Variants in SPTBN4 observed in about 807,000 individuals in gnomAD.
The protein encoded by SPTBN4 is spectrin beta chain, non-erythrocytic 4.
A neutral mutation model predicts 277.8 loss-of-function variants in SPTBN4; 96 were observed. The observed-to-expected ratio is 0.35, with a 90% confidence interval of 0.29 to 0.41. SPTBN4 has a LOEUF of 0.41. Among genes scored for constraint, SPTBN4 ranks in the 10% least tolerant of loss-of-function variants. The pLI is 1.00. For missense variants in SPTBN4, 3,006 were observed against 3,595.7 expected, an observed-to-expected ratio of 0.84 and a Z score of 4.19; for synonymous variants, 1,481 against 1,580.3, an observed-to-expected ratio of 0.94 and a Z score of 1.49.
At chr19:40,521,072 G>A (rs814539) in intron 16 of SPTBN4, among the ~76,000 whole-genome samples, 30,866 of 151,986 alleles carry the variant, frequency 0.2, 4,613 homozygotes, top group African/African-American at 0.42. Flanking sequence ...CTACAGGCGC[G>A]AGCCACCATG....
chr19:40,481,669 T>C (rs1273072599), intron 2 of SPTBN4, among the ~76,000 whole-genome samples: 1 of 152,114 alleles, frequency 6.6e-6, no homozygotes, highest in Admixed American at 6.6e-5. Context: ...AGAGACGGGG[T>C]TTCGCCATGT....
rs766001025 is a variant in SPTBN4, at chr19:40,568,108, C to G, written c.6782C>G (p.Ala2261Gly). 1 of 1,569,708 alleles carries G rather than the reference C, an allele frequency of 6.4e-7. No homozygotes were observed. Among genetic ancestry groups the G allele is most frequent in the Non-Finnish European group, 8.6e-7 (1 of 1,157,620 alleles). ...RQESVDQSEE[A>G]ARRRRPERQE... is the part of the protein sequence containing the mutation. ...GAGTCAGTCGATCAATCCGAGGAGG[C>G]TGCGCGGAGGCGGCGGCCGGAGCGG... Residue 2261 changes from alanine (A) to glycine (G), a missense_variant, in exon 31 of 36, where the codon GCT becomes GGT. Ala to Gly is a moderately conservative substitution (Grantham distance 60, BLOSUM62 0). Coordinates refer to ENST00000598249, the MANE Select transcript of SPTBN4 (RefSeq NM_020971.3).
rs151337566 is a variant in SPTBN4, at chr19:40,515,746, G to A, written c.2903+298G>A. On this transcript the variant is annotated intron_variant, in intron 15 of 35. Coordinates refer to ENST00000598249, the MANE Select transcript of SPTBN4 (RefSeq NM_020971.3). This position sits in a 1 kb window ranked among gnomAD's most constrained non-coding sequence, Gnocchi z 4.1. ...TTCTAAAGTATCCCAACATTCTTCCGGGCACAGTGGCTCATACTGTAATCC... is the reference window on the plus strand; with the variant it reads ...TTCTAAAGTATCCCAACATTCTTCCAGGCACAGTGGCTCATACTGTAATCC... Among the ~76,000 whole-genome samples, 1,537 of 151,624 alleles carry A rather than the reference G, an allele frequency of 0.01. 16 individuals are homozygous for A. Among genetic ancestry groups the A allele is most frequent in the African/African-American group, 0.029 (1,192 of 41,306 alleles).
intron 7 of SPTBN4, 106 bp downstream of exon 7, chr19:40,497,710 AG>A: frequency 1.1e-6 from 1 of 888,980 alleles, no homozygotes; most frequent in Non-Finnish European, 1.8e-6. Flanking sequence ...CCAAATCCTG[AG>A]GCCTCTCCAA....
Position 40,516,036 on chromosome 19 carries a change from T to C in SPTBN4, c.2903+588T>C, listed in dbSNP as rs190724703. On this transcript the variant is annotated intron_variant, in intron 15 of 35. Coordinates refer to ENST00000598249, the MANE Select transcript of SPTBN4 (RefSeq NM_020971.3). ...ACACACATATACGTATATATACACA[T>C]ATATATGTATATATATATACACACT... Among the ~76,000 whole-genome samples, 24 of 143,388 alleles carry C rather than the reference T, an allele frequency of 1.7e-4. 1 individual carries two copies. Among genetic ancestry groups the C allele is most frequent in the Admixed American group, 4.9e-4 (7 of 14,236 alleles). The allele number at this position is 143,388 out of a possible 152,430, so 94.1% of individuals were successfully genotyped here. A position where few individuals can be genotyped will look rare whatever the true frequency, so the allele number is the denominator to read the frequency against.
At chr19:40,510,305 G>A (rs905800022) in intron 13 of SPTBN4, among the ~76,000 whole-genome samples, 1 of 151,104 alleles carries the variant, frequency 6.6e-6, no homozygotes, top group African/African-American at 2.4e-5. Flanking sequence ...TTTTTTTGTT[G>A]TTGTTGTTTT....
chr19:40,481,483 T>C (rs917311167), intron 2 of SPTBN4, among the ~76,000 whole-genome samples: 1 of 152,130 alleles, frequency 6.6e-6, no homozygotes, highest in Admixed American at 6.6e-5. Context: ...TTGTTTTGTT[T>C]TGTTTTGTTT....
At chr19:40,501,556 T>C (rs1437902704) in intron 7 of SPTBN4, among the ~76,000 whole-genome samples, 1 of 152,006 alleles carries the variant, frequency 6.6e-6, no homozygotes, top group African/African-American at 2.4e-5. Flanking sequence ...TAACCCCAGC[T>C]ACTTGGGAGG....
rs754601118 is a variant in SPTBN4 at position 40,567,906 on chromosome 19, C to A, written c.6580C>A (p.Arg2194=). 9 of 1,522,306 alleles carry A rather than the reference C, an allele frequency of 5.9e-6. No homozygotes were observed. The African/African-American group carries it at 1.2e-4, about 20-fold the overall frequency. The allele number at this position is 1,522,306 out of a possible 1,614,324, so 94.3% of individuals were successfully genotyped here. A position where few individuals can be genotyped will look rare whatever the true frequency, so the allele number is the denominator to read the frequency against. Reference sequence around the variant, plus strand: ...CGAGCGCCTCCAGCCGCGCATTGACCGGCTGCCGGAGATCCCGGGGAGGGT... The same window carrying A: ...CGAGCGCCTCCAGCCGCGCATTGACAGGCTGCCGGAGATCCCGGGGAGGGT... ...KPERLQPRID[R]LPEIPGRVEP... Residue 2194 remains arginine, a synonymous_variant, in exon 31 of 36, where the codon CGG becomes AGG. Coordinates refer to ENST00000598249, the MANE Select transcript of SPTBN4 (RefSeq NM_020971.3).
intron 32 of SPTBN4, among the ~76,000 whole-genome samples, chr19:40,569,987 CAG>C: frequency 2.0e-5 from 3 of 149,772 alleles, no homozygotes; most frequent in African/African-American, 5.0e-5. Flanking sequence ...CACACACACA[CAG>C]ACACACACAC....
rs1455194584 is a variant in SPTBN4 at position 40,515,592 on chromosome 19, TC to T, written c.2903+147del. 1.0e-6 allele frequency: 1 copy of T among 975,446 alleles called. No individual in the cohort carries two copies. The allele number at this position is 975,446 out of a possible 1,614,324, so 60.4% of individuals were successfully genotyped here. ...ACAAAATGTTGACCAAAAATCATAATCCCTGATACTGGTGATGACGTGGTAA... is the reference window on the plus strand; with the variant it reads ...ACAAAATGTTGACCAAAAATCATAATCCTGATACTGGTGATGACGTGGTAA... On this transcript the variant is annotated intron_variant, in intron 15 of 35. Transcript: ENST00000598249. The surrounding 1 kb of genome is among the most constrained non-coding windows in gnomAD (Gnocchi z 4.1).
In SPTBN4 at chr19:40,542,873, C is replaced by T. The variant is rs974805079; in HGVS notation, c.4360-6316C>T. Among the ~76,000 whole-genome samples, 12 of 151,582 alleles carry T rather than the reference C, an allele frequency of 7.9e-5. 1 individual carries two copies. Among genetic ancestry groups the T allele is most frequent in the East Asian group, 1.9e-4 (1 of 5,162 alleles). ...TTGCCCAGGCTGGAGTGCAGTGGCGCGATCTCAGCTAATTATGTCTTCATA... is the reference window on the plus strand; with the variant it reads ...TTGCCCAGGCTGGAGTGCAGTGGCGTGATCTCAGCTAATTATGTCTTCATA... On this transcript the variant is annotated intron_variant, in intron 20 of 35. Transcript: ENST00000598249.
intron 1 of SPTBN4, among the ~76,000 whole-genome samples, chr19:40,470,955 CT>C (rs35396125): frequency 0.051 from 7,392 of 145,642 alleles, 214 homozygotes; most frequent in African/African-American, 0.065. Flanking sequence ...ATTCTATCAC[CT>C]TTTTTTTTTT....
At chr19:40,475,589 G>A (rs1020106629) in intron 2 of SPTBN4, among the ~76,000 whole-genome samples, 4 of 151,994 alleles carry the variant, frequency 2.6e-5, no homozygotes, top group Non-Finnish European at 4.4e-5. Context: ...GGAGTCCCGA[G>A]TAGCTGGGAC....
At position 40,502,417 on chromosome 19, in the gene SPTBN4, G is replaced by T; in HGVS notation, c.1113G>T (p.Val371=). The change falls in exon 10 of 36, where the codon GTG becomes GTT. Residue 371 remains valine (V), a synonymous_variant. Coordinates refer to ENST00000598249, the MANE Select transcript of SPTBN4 (RefSeq NM_020971.3). The surrounding 1 kb of genome is among the most constrained non-coding windows in gnomAD (Gnocchi z 4.9). ...VKFQEKGNLE[V]LLFSIQSKLR... ...TCCAGGAGAAGGGGAACCTAGAGGT[G>T]CTGCTCTTCAGCATCCAGAGCAAAC... 1.2e-6 allele frequency: 2 copies of T among 1,613,296 alleles called. No individual in the cohort carries two copies. The highest frequency in any genetic ancestry group is 1.7e-6 in the Non-Finnish European group (2 of 1,179,878).
rs1428733875 is a variant in SPTBN4 at position 40,567,969 on chromosome 19, G to A, written c.6643G>A (p.Ala2215Thr). 1 of 1,501,498 alleles carries A rather than the reference G, an allele frequency of 6.7e-7. No homozygotes were observed. Among genetic ancestry groups the A allele is most frequent in the South Asian group, 1.3e-5 (1 of 77,850 alleles). The allele number at this position is 1,501,498 out of a possible 1,614,324, so 93.0% of individuals were successfully genotyped here. The change falls in exon 31 of 36, where the codon GCG becomes ACG. Residue 2215 changes from alanine to threonine, a missense_variant. By Grantham distance (58) the Ala-to-Thr change is moderately conservative (BLOSUM62 0). This residue lies in a region of SPTBN4 where 630 missense variants were observed against 677.6 expected (regional missense o/e 0.93). Coordinates refer to ENST00000598249, the MANE Select transcript of SPTBN4 (RefSeq NM_020971.3). Reference sequence around the variant, plus strand: ...CCTGCCGGCCGCACCAGAGGACGCGGCGGAGACCCCCGCGACCCCCGCGGC... The same window carrying A: ...CCTGCCGGCCGCACCAGAGGACGCGACGGAGACCCCCGCGACCCCCGCGGC... ...AALPAAPEDAAETPATPAAAE... is the reference protein window; with the variant it reads ...AALPAAPEDATETPATPAAAE...
chr19:40,526,461 C>T (rs888296982), intron 17 of SPTBN4, among the ~76,000 whole-genome samples: 2 of 152,060 alleles, frequency 1.3e-5, no homozygotes, highest in Non-Finnish European at 2.9e-5. Flanking sequence ...CGTGAGCCAC[C>T]GCGCCGGCCG....
chr19:40,479,675 CATATAT>C (rs34118043), intron 2 of SPTBN4, among the ~76,000 whole-genome samples: 1,837 of 126,676 alleles, frequency 0.015, 67 homozygotes, highest in African/African-American at 0.053. Flanking sequence ...AATGAGTAAG[CATATAT>C]ATATATATAT....
chr19:40,540,498 C>T (rs1344517494), intron 20 of SPTBN4, among the ~76,000 whole-genome samples: 1 of 151,822 alleles, frequency 6.6e-6, no homozygotes, highest in African/African-American at 2.4e-5. Context: ...TGCCTTAGCC[C>T]CTCAAAGTGC....
Sources: gnomAD v4.1 joint callset for allele counts (sites outside exome capture counted in the v4.1 genomes callset) on GRCh38, gnomAD v4.1.1 for gene constraint, gnomAD v4.1.1 regional missense constraint, Gnocchi (gnomAD v3.1) non-coding constraint, MANE v1.5 for transcripts, NCBI Gene and HGNC (gene_info 2026-07-23, HGNC 2026-07-21) for gene names.